GLRA1: variants seen among roughly 807,000 people sequenced by gnomAD.
GLRA1 encodes glycine receptor alpha 1.
In GLRA1, 37 loss-of-function variants were observed where a neutral mutation model predicts 48.3. The ratio of observed to expected loss-of-function variants is 0.77; its 90% CI spans 0.59 to 1.01. GLRA1 has a LOEUF of 1.01. Among genes scored for constraint, GLRA1 ranks in the 50% least tolerant of loss-of-function variants. GLRA1 has a pLI of 0.00. For missense variants in GLRA1, 427 were observed against 571.0 expected, an observed-to-expected ratio of 0.75 and a Z score of 2.57; for synonymous variants, 196 against 210.7, an observed-to-expected ratio of 0.93 and a Z score of 0.60.
At chr5:151,836,711 C>G (rs1763585746) in intron 7 of GLRA1, among the ~76,000 whole-genome samples, 1 of 152,112 alleles carries the variant, frequency 6.6e-6, no homozygotes, top group Admixed American at 6.5e-5. Flanking sequence ...ATTCCCTATT[C>G]AATAAATGGT....
At chr5:151,865,400 T>C (rs1302476161) in intron 3 of GLRA1, among the ~76,000 whole-genome samples, 3 of 152,204 alleles carry the variant, frequency 2.0e-5, no homozygotes, top group Admixed American at 6.5e-5. Flanking sequence ...TTTTGGGCAG[T>C]TGGAAGTGCA....
intron 1 of GLRA1, among the ~76,000 whole-genome samples, chr5:151,907,023 G>A (rs892671551): frequency 2.4e-4 from 37 of 152,356 alleles, no homozygotes; most frequent in Middle Eastern, 3.4e-3. Flanking sequence ...TATTCAAGGA[G>A]AGGCTGAACT....
At chr5:151,913,236 T>C (rs1754660010) in intron 1 of GLRA1, among the ~76,000 whole-genome samples, 1 of 144,972 alleles carries the variant, frequency 6.9e-6, no homozygotes, top group African/African-American at 2.7e-5. Flanking sequence ...CTCAGAAAGA[T>C]TGAGCAAACT....
At chr5:151,844,155 G>A (rs1161510393) in intron 7 of GLRA1, among the ~76,000 whole-genome samples, 1 of 143,188 alleles carries the variant, frequency 7.0e-6, no homozygotes, top group Non-Finnish European at 1.5e-5. Context: ...GGGTGACAGA[G>A]TGAGACTATG....
intron 3 of GLRA1, among the ~76,000 whole-genome samples, chr5:151,866,628 A>C (rs149723670): frequency 2.0e-5 from 3 of 152,270 alleles, no homozygotes; most frequent in African/African-American, 7.2e-5. Flanking sequence ...TCCCAAGGGG[A>C]TATCTCATCT....
chr5:151,880,285 T>C (rs1191657156), intron 3 of GLRA1, among the ~76,000 whole-genome samples: 1 of 152,230 alleles, frequency 6.6e-6, no homozygotes, highest in Non-Finnish European at 1.5e-5. Flanking sequence ...CTCTGTGTGA[T>C]CCTATACACC....
At chr5:151,914,910 G>A (rs57324465) in intron 1 of GLRA1, among the ~76,000 whole-genome samples, 1,575 of 152,238 alleles carry the variant, frequency 0.01, 24 homozygotes, top group African/African-American at 0.036. Context: ...CATATCTTTC[G>A]TCTCTCTCAT....
intron 8 of GLRA1, among the ~76,000 whole-genome samples, 160 bp downstream of exon 8, chr5:151,828,761 A>G (rs1763340478): frequency 6.6e-6 from 1 of 152,174 alleles, no homozygotes; most frequent in South Asian, 2.1e-4. Flanking sequence ...TATTTATGGG[A>G]GGGAAAGCTG....
At chr5:151,921,783 G>A (rs1754881175) in intron 1 of GLRA1, among the ~76,000 whole-genome samples, 1 of 152,166 alleles carries the variant, frequency 6.6e-6, no homozygotes, top group South Asian at 2.1e-4. Flanking sequence ...AAACATTTAG[G>A]TTATTGACTC....
At chr5:151,907,985 G>A (rs538774710) in intron 1 of GLRA1, among the ~76,000 whole-genome samples, 1 of 152,190 alleles carries the variant, frequency 6.6e-6, no homozygotes, top group Non-Finnish European at 1.5e-5. Flanking sequence ...GCTAATAATT[G>A]TTGTCCATAA....
intron 3 of GLRA1, among the ~76,000 whole-genome samples, chr5:151,882,596 G>A (rs555875141): frequency 2.0e-5 from 3 of 152,306 alleles, no homozygotes; most frequent in African/African-American, 7.2e-5. Flanking sequence ...GCACTGCAGA[G>A]AGCATCAGAC....
In GLRA1 at chr5:151,822,724, G is replaced by A; in HGVS notation, c.1299C>T (p.Phe433=). 1 of 1,613,792 alleles carries A rather than the reference G, an allele frequency of 6.2e-7. No individual in the cohort carries two copies. The highest frequency in any genetic ancestry group is 1.1e-5 in the South Asian group (1 of 91,064). The change falls in exon 9 of 9, where the codon TTC becomes TTT. Residue 433 remains phenylalanine, a synonymous_variant. Coordinates refer to ENST00000274576, the MANE Select transcript of GLRA1 (RefSeq NM_000171.4). ...FPMAFLIFNM[F]YWIIYKIVRR... The stretch of plus-strand genomic sequence containing the variant: ...GGACAATCTTGTAGATGATCCAGTA[G>A]AACATGTTGAAAATGAGGAAGGCCA...
At chr5:151,837,648 A>G (rs966447973) in intron 7 of GLRA1, among the ~76,000 whole-genome samples, 1 of 152,254 alleles carries the variant, frequency 6.6e-6, no homozygotes, top group Admixed American at 6.5e-5. Flanking sequence ...GGATGAGTTC[A>G]TGTCCTTTGT....
Position 151,856,434 on chromosome 5 carries a change from CT to C in GLRA1, c.477-52del, listed in dbSNP as rs766998584. 9 of 1,168,602 alleles carry C rather than the reference CT, an allele frequency of 7.7e-6. No individual in the cohort carries two copies. In the South Asian group the frequency reaches 1.1e-4, roughly 14 times the overall value. 72.4% of individuals were successfully genotyped at this position (1,168,602 alleles called of 1,614,324 possible). A position where few individuals can be genotyped will look rare whatever the true frequency, so the allele number is the denominator to read the frequency against. On this transcript the variant is annotated intron_variant, in intron 4 of 8. Transcript: ENST00000274576. The stretch of plus-strand genomic sequence containing the variant: ...ATGCAGGATCTGCACATCAGGGAGG[CT>C]GTGCCTCTATTCTAGTTATTGTTAG...
intron 1 of GLRA1, among the ~76,000 whole-genome samples, chr5:151,908,659 T>G (rs567033175): frequency 6.6e-6 from 1 of 152,190 alleles, no homozygotes; most frequent in Non-Finnish European, 1.5e-5. Flanking sequence ...CTTTCTTGTT[T>G]TTTTTTTAAA....
intron 4 of GLRA1, among the ~76,000 whole-genome samples, chr5:151,859,060 T>G (rs1278180658): frequency 2.6e-5 from 4 of 152,218 alleles, no homozygotes; most frequent in African/African-American, 4.8e-5. Flanking sequence ...TGGTAAAACC[T>G]GCTTCATGGG....
At chr5:151,880,410 T>C (rs1366548886) in intron 3 of GLRA1, among the ~76,000 whole-genome samples, 1 of 152,210 alleles carries the variant, frequency 6.6e-6, no homozygotes, top group East Asian at 1.9e-4. Context: ...CCATTGCCCC[T>C]TAAAGTCAAA....
chr5:151,862,114 A>G (rs1456622572), intron 3 of GLRA1, among the ~76,000 whole-genome samples: 2 of 152,238 alleles, frequency 1.3e-5, no homozygotes, highest in Admixed American at 6.5e-5. Context: ...CAGAGCCCTC[A>G]GAAATAATAC....
intron 7 of GLRA1, among the ~76,000 whole-genome samples, chr5:151,841,050 C>T (rs1763701341): frequency 6.6e-6 from 1 of 152,100 alleles, no homozygotes; most frequent in Non-Finnish European, 1.5e-5. Context: ...ACCTATAGAA[C>T]ACTCCACACA....
Sources: allele counts gnomAD v4.1 joint callset (sites outside exome capture counted in the v4.1 genomes callset), GRCh38; gene constraint gnomAD v4.1.1; transcripts MANE v1.5; gene names NCBI Gene and HGNC (gene_info 2026-07-23, HGNC 2026-07-21).